COL8A1: variants seen among roughly 807,000 people sequenced by gnomAD.
COL8A1 encodes the protein collagen alpha-1(VIII) chain.
Under a neutral mutation model 42.7 loss-of-function variants are expected in COL8A1, and 21 were observed. The ratio of observed to expected loss-of-function variants is 0.49; its 90% CI spans 0.35 to 0.71. The LOEUF is 0.71. COL8A1 is among the 30% of genes least tolerant of loss of function. The pLI is 0.01. For synonymous variants in COL8A1, 367 were observed against 369.1 expected (o/e 0.99, Z 0.06); for missense variants, 788 against 962.4 (o/e 0.82, Z 2.40).
At chr3:99,704,441 T>C (rs116134751) in intron 1 of COL8A1, among the ~76,000 whole-genome samples, 3,376 of 152,258 alleles carry the variant, frequency 0.022, 54 homozygotes, top group Non-Finnish European at 0.035. Flanking sequence ...CTTTAAGTTT[T>C]AGGGTACATG....
chr3:99,697,077 C>T (rs1939396471), intron 1 of COL8A1, among the ~76,000 whole-genome samples: 2 of 147,900 alleles, frequency 1.4e-5, no homozygotes, highest in African/African-American at 5.0e-5. Flanking sequence ...AGCTCCGCCT[C>T]CCGGGTTCAC....
rs1225734959 is a variant in COL8A1 at position 99,660,371 on chromosome 3, AAAAG to A, written c.-129+21711_-129+21714del. On this transcript the variant is annotated intron_variant, in intron 1 of 3. Coordinates refer to ENST00000652472, the MANE Select transcript of COL8A1 (RefSeq NM_020351.4). ...ACTATTATTTTTTAAATATAGCCAT[AAAAG>A]AAATATCCTCCTGAGACAGGTCCTT... Among the ~76,000 whole-genome samples, 7 of 152,302 alleles carry A rather than the reference AAAAG, an allele frequency of 4.6e-5. No individual in the cohort carries two copies. In the East Asian group the frequency reaches 1.3e-3, roughly 29 times the overall value.
At chr3:99,755,692 T>A (rs1172714614) in intron 2 of COL8A1, among the ~76,000 whole-genome samples, 3 of 152,204 alleles carry the variant, frequency 2.0e-5, no homozygotes, top group Non-Finnish European at 4.4e-5. Flanking sequence ...GGCAAGGCCA[T>A]GCAACACAAT....
intron 1 of COL8A1, among the ~76,000 whole-genome samples, chr3:99,681,852 TA>T (rs1375577127): frequency 6.6e-6 from 1 of 152,094 alleles, no homozygotes; most frequent in Non-Finnish European, 1.5e-5. Flanking sequence ...AACAGCCCTG[TA>T]AAAAAAGTGT....
intron 2 of COL8A1, among the ~76,000 whole-genome samples, chr3:99,773,412 C>T (rs151179372): frequency 2.5e-3 from 280 of 112,242 alleles, no homozygotes; most frequent in Middle Eastern, 0.012. Context: ...CATTTTAGTA[C>T]GAAGTTTCTC....
chr3:99,667,029 G>T (rs1447302670), intron 1 of COL8A1, among the ~76,000 whole-genome samples: 1 of 152,148 alleles, frequency 6.6e-6, no homozygotes, highest in Non-Finnish European at 1.5e-5. Flanking sequence ...TATATGAAAA[G>T]AATAATAATC....
intron 2 of COL8A1, among the ~76,000 whole-genome samples, chr3:99,787,309 A>G (rs1941915652): frequency 6.6e-6 from 1 of 152,216 alleles, no homozygotes; most frequent in Admixed American, 6.5e-5. Flanking sequence ...AGGGCTGTTC[A>G]AAGTATCTAG....
chr3:99,774,657 T>C (rs1210283275), intron 2 of COL8A1, among the ~76,000 whole-genome samples: 1 of 152,054 alleles, frequency 6.6e-6, no homozygotes, highest in East Asian at 1.9e-4. Flanking sequence ...GTTTAATGTT[T>C]CCCTGTTACT....
chr3:99,795,503 A>C lies in COL8A1; in HGVS notation c.1602A>C (p.Lys534Asn), dbSNP rs1292823269. 1 of 1,585,240 alleles carries C rather than the reference A, an allele frequency of 6.3e-7. No homozygotes were observed. The highest frequency in any genetic ancestry group is 1.4e-5 in the African/African-American group (1 of 74,024). ...CCCCTGGGTTCCCTGGTATAGGGAA[A>C]CCCGGAGTGGCAGGACTTCATGGCC... ...PGPPGFPGIGKPGVAGLHGPP... is the reference protein window; with the variant it reads ...PGPPGFPGIGNPGVAGLHGPP... Residue 534 changes from lysine to asparagine, a missense_variant, in exon 4 of 4, where the codon AAA becomes AAC. Physicochemically the swap from Lys to Asn is moderately conservative, Grantham distance 94. Coordinates refer to ENST00000652472, the MANE Select transcript of COL8A1 (RefSeq NM_020351.4).
At chr3:99,678,648 G>C (rs1411072926) in intron 1 of COL8A1, 1 of 151,540 alleles carries the variant, frequency 6.6e-6, no homozygotes, top group Non-Finnish European at 1.5e-5. Context: ...CCTTATGTGT[G>C]CTATAAAAAA....
intron 2 of COL8A1, among the ~76,000 whole-genome samples, chr3:99,774,229 C>A (rs1232290740): frequency 6.6e-6 from 1 of 150,580 alleles, no homozygotes; most frequent in Admixed American, 6.7e-5. Flanking sequence ...ACAAGTAGAA[C>A]CCAGCAGTAA....
chr3:99,778,200 C>A (rs1941729806), intron 2 of COL8A1, among the ~76,000 whole-genome samples: 1 of 152,170 alleles, frequency 6.6e-6, no homozygotes, highest in Non-Finnish European at 1.5e-5. Context: ...AGCCTACTGC[C>A]TGACTCTGTC....
chr3:99,742,011 T>C (rs1176652354), intron 1 of COL8A1, among the ~76,000 whole-genome samples: 2 of 152,262 alleles, frequency 1.3e-5, no homozygotes, highest in African/African-American at 4.8e-5. Flanking sequence ...AGTATTTATA[T>C]ATGCTTATCT....
In COL8A1 at chr3:99,727,788, C is replaced by A. The variant is rs541760773; in HGVS notation, c.-128-17109C>A. Reference sequence around the variant, plus strand: ...TCCAGCAGCACATCCAAAAGCTTATCCACCATGATCAAATGGGCTTCATCC... The same window carrying A: ...TCCAGCAGCACATCCAAAAGCTTATACACCATGATCAAATGGGCTTCATCC... On this transcript the variant is annotated intron_variant, in intron 1 of 3. Coordinates refer to ENST00000652472, the MANE Select transcript of COL8A1 (RefSeq NM_020351.4). Among the ~76,000 whole-genome samples, 22 of 152,082 alleles carry A rather than the reference C, an allele frequency of 1.4e-4. No individual in the cohort carries two copies. In the South Asian group the frequency reaches 4.6e-3, roughly 32 times the overall value.
intron 1 of COL8A1, among the ~76,000 whole-genome samples, chr3:99,692,176 T>A (rs1012273430): frequency 3.3e-5 from 5 of 152,084 alleles, no homozygotes; most frequent in Non-Finnish European, 4.4e-5. Context: ...CCAAGTGTAA[T>A]TCAATTATGA....
intron 1 of COL8A1, among the ~76,000 whole-genome samples, chr3:99,650,904 A>G (rs1253715225): frequency 1.3e-5 from 2 of 152,190 alleles, no homozygotes; most frequent in Admixed American, 6.5e-5. Flanking sequence ...ATTGAATAAG[A>G]TATGCTTTTT....
chr3:99,644,534 C>G (rs1278677122), intron 1 of COL8A1, among the ~76,000 whole-genome samples: 6 of 152,214 alleles, frequency 3.9e-5, no homozygotes, highest in Admixed American at 3.9e-4. Context: ...TGCTTCTTCA[C>G]TTTCCTCTGA....
At chr3:99,656,193 G>T (rs563103637) in intron 1 of COL8A1, among the ~76,000 whole-genome samples, 1 of 152,056 alleles carries the variant, frequency 6.6e-6, no homozygotes, top group African/African-American at 2.4e-5. Context: ...TATCCAAACC[G>T]TCTCATTTCC....
chr3:99,660,670 T>C (rs932030662), intron 1 of COL8A1, among the ~76,000 whole-genome samples: 7 of 152,196 alleles, frequency 4.6e-5, no homozygotes, highest in African/African-American at 1.4e-4. Flanking sequence ...AATGGCACCA[T>C]TCATTAATCA....
Sources: gnomAD v4.1 joint callset for allele counts (sites outside exome capture counted in the v4.1 genomes callset) on GRCh38, gnomAD v4.1.1 for gene constraint, MANE v1.5 for transcripts, NCBI Gene and HGNC (gene_info 2026-07-23, HGNC 2026-07-21) for gene names.